The following C1QTNF3 variants were observed in gnomAD, a reference collection of about 807,000 sequenced individuals.
C1QTNF3 encodes complement C1q tumor necrosis factor-related protein 3.
C1QTNF3 carries 26 observed loss-of-function variants against 32.6 expected under a neutral mutation model. That is an observed-to-expected ratio of 0.80 (90% confidence interval 0.58 to 1.11). C1QTNF3 has a LOEUF of 1.11. Ranked by LOEUF, C1QTNF3 falls within the 50% of genes least tolerant of loss-of-function variation. The probability of loss-of-function intolerance (pLI) is 0.00; values close to 1 mark genes in which losing one functional copy is unlikely to be tolerated. For missense variants in C1QTNF3, 362 were observed against 398.2 expected (o/e 0.91, Z 0.77); for synonymous variants, 155 against 146.0 (o/e 1.06, Z -0.44).
the C1QTNF3 span, among the ~76,000 whole-genome samples, chr5:34,111,718 A>G: frequency 1.3e-4 from 20 of 152,308 alleles, no homozygotes; most frequent in South Asian, 4.2e-3. Flanking sequence ...TCTATGCTCC[A>G]TGAATCAGTC....
At chr5:34,160,092 A>C in the C1QTNF3 span, among the ~76,000 whole-genome samples, 2 of 152,248 alleles carry the variant, frequency 1.3e-5, no homozygotes, top group Non-Finnish European at 2.9e-5. Context: ...AGCCCCTACC[A>C]TCAGACTTGT....
upstream of C1QTNF3, among the ~76,000 whole-genome samples, chr5:34,045,078 T>C (rs1331011769): frequency 6.6e-6 from 1 of 151,968 alleles, no homozygotes; most frequent in Non-Finnish European, 1.5e-5. Context: ...CCAGAGAAAA[T>C]GTCACAGGGA....
chr5:34,215,239 C>T, the C1QTNF3 span, among the ~76,000 whole-genome samples: 1 of 152,112 alleles, frequency 6.6e-6, no homozygotes, highest in Non-Finnish European at 1.5e-5. Flanking sequence ...TTTAAGCATA[C>T]ATACATATGA....
the C1QTNF3 span, among the ~76,000 whole-genome samples, chr5:34,239,726 T>C: frequency 6.6e-6 from 1 of 152,176 alleles, no homozygotes; most frequent in Non-Finnish European, 1.5e-5. Context: ...CATTGGATCA[T>C]CAAAGCAGAT....
At chr5:34,037,447 ACCTT>A (rs1754768696) in intron 1 of C1QTNF3, among the ~76,000 whole-genome samples, 1 of 152,210 alleles carries the variant, frequency 6.6e-6, no homozygotes, top group African/African-American at 2.4e-5. Flanking sequence ...AAACACTTAG[ACCTT>A]ACTTTCTTTT....
chr5:34,212,211 C>T, the C1QTNF3 span, among the ~76,000 whole-genome samples: 3 of 151,462 alleles, frequency 2.0e-5, no homozygotes, highest in Admixed American at 1.3e-4. Context: ...ATGGAGAAAG[C>T]TGAAACTGGA....
At chr5:34,166,123 T>C in the C1QTNF3 span, 10 of 151,696 alleles carry the variant, frequency 6.6e-5, no homozygotes, top group South Asian at 1.0e-3. Context: ...AATAATATAA[T>C]ATTTTCTATA....
At chr5:34,213,059 G>C in the C1QTNF3 span, among the ~76,000 whole-genome samples, 1 of 152,280 alleles carries the variant, frequency 6.6e-6, no homozygotes, top group African/African-American at 2.4e-5. Flanking sequence ...AACTAAGAGT[G>C]GATTTCTATA....
At chr5:34,168,089 T>C in the C1QTNF3 span, 5 of 152,052 alleles carry the variant, frequency 3.3e-5, no homozygotes, top group Admixed American at 2.0e-4. Flanking sequence ...AAAAGGTTCA[T>C]ATGAAACTGT....
chr5:34,052,653 TAA>T, the C1QTNF3 span, among the ~76,000 whole-genome samples: 1 of 152,214 alleles, frequency 6.6e-6, no homozygotes, highest in Admixed American at 6.5e-5. Context: ...TTGTGAAGAT[TAA>T]AAGAGACATT....
chr5:34,216,140 G>A, the C1QTNF3 span, among the ~76,000 whole-genome samples: 2 of 152,322 alleles, frequency 1.3e-5, no homozygotes, highest in Non-Finnish European at 2.9e-5. Context: ...ATGTTTTAAT[G>A]AGCAAACACT....
chr5:34,066,524 G>C, the C1QTNF3 span, among the ~76,000 whole-genome samples: 4 of 152,034 alleles, frequency 2.6e-5, no homozygotes, highest in Non-Finnish European at 5.9e-5. Context: ...TGTAAAAAAT[G>C]AATTTTGAAA....
At chr5:34,224,295 T>A in the C1QTNF3 span, among the ~76,000 whole-genome samples, 40 of 152,062 alleles carry the variant, frequency 2.6e-4, no homozygotes, top group African/African-American at 9.2e-4. Flanking sequence ...GAATTGGAAA[T>A]AACTACTTTA....
the C1QTNF3 span, among the ~76,000 whole-genome samples, chr5:34,218,981 C>T: frequency 6.6e-6 from 1 of 152,058 alleles, no homozygotes; most frequent in Non-Finnish European, 1.5e-5. Flanking sequence ...CATAATTTTA[C>T]AATGTGCTAT....
chr5:34,222,270 C>A, the C1QTNF3 span, among the ~76,000 whole-genome samples: 193 of 152,022 alleles, frequency 1.3e-3, 1 homozygote, highest in African/African-American at 4.3e-3. Flanking sequence ...TCTAAAAATT[C>A]AACACCTGTG....
chr5:34,165,540 C>G, the C1QTNF3 span: 1 of 152,104 alleles, frequency 6.6e-6, no homozygotes, highest in Non-Finnish European at 1.5e-5. Context: ...CATCGAGTTA[C>G]TGTAACTGCT....
chr5:34,033,116 T>C (rs1018974308), intron 3 of C1QTNF3, 188 bp downstream of exon 3: 1 of 577,480 alleles, frequency 1.7e-6, no homozygotes, highest in African/African-American at 2.0e-5. Flanking sequence ...CTAAGAATAG[T>C]ATCTAAGTCC....
the C1QTNF3 span, among the ~76,000 whole-genome samples, chr5:34,084,552 T>C: frequency 1.3e-5 from 2 of 151,536 alleles, no homozygotes; most frequent in African/African-American, 2.4e-5. Flanking sequence ...AGCTTCTTAA[T>C]TGCATTGCGC....
upstream of C1QTNF3, among the ~76,000 whole-genome samples, chr5:34,047,926 C>T (rs2112132166): frequency 6.6e-6 from 1 of 152,150 alleles, no homozygotes; most frequent in East Asian, 1.9e-4. Context: ...GCCACCAGTA[C>T]AGGGCAAAAT....
Sources: allele counts gnomAD v4.1 joint callset (sites outside exome capture counted in the v4.1 genomes callset), GRCh38; gene constraint gnomAD v4.1.1; transcripts MANE v1.5; gene names NCBI Gene and HGNC (gene_info 2026-07-23, HGNC 2026-07-21).